The following RHOD variants were observed in gnomAD, a reference collection of about 807,000 sequenced individuals.
RHOD encodes the protein ras homolog family member D.
Under a neutral mutation model 16.7 loss-of-function variants are expected in RHOD, and 11 were observed. That is an observed-to-expected ratio of 0.66 (90% CI 0.41 to 1.09). The LOEUF is 1.09. Among genes scored for constraint, RHOD ranks in the 50% least tolerant of loss-of-function variants. The pLI is 0.00. For synonymous variants in RHOD, 124 were observed against 126.3 expected (o/e 0.98, Z 0.12); for missense variants, 271 against 291.7 (o/e 0.93, Z 0.52).
intron 3 of RHOD, among the ~76,000 whole-genome samples, chr11:67,068,723 C>T (rs1854989048): frequency 6.6e-6 from 1 of 151,986 alleles, no homozygotes. Context: ...AGGAGAATTG[C>T]TTGAACCCGG....
At position 67,065,921 on chromosome 11, in the gene RHOD, G is replaced by A. The variant is rs376463937; in HGVS notation, c.158G>A (p.Arg53Gln). The A allele has an allele frequency of 2.2e-4, 351 of 1,612,198 alleles. 1 individual carries two copies. The highest frequency in any genetic ancestry group is 2.8e-4 in the Non-Finnish European group (333 of 1,178,962). ...AGCTACACCCCCACGGTGTTTGAGC[G>A]GTACATGGTCAACCTGCAAGTGAAA... ...PESYTPTVFE[R>Q]YMVNLQVKGK... Residue 53 changes from arginine (R) to glutamine (Q), a missense_variant, in exon 2 of 5, where the codon CGG becomes CAG. By Grantham distance (43) the Arg-to-Gln change is conservative (BLOSUM62 1). Coordinates refer to ENST00000308831, the MANE Select transcript of RHOD (RefSeq NM_014578.4).
At chr11:67,065,872 C>T (rs1367857551) in intron 1 of RHOD, 24 bp from the exon 2 acceptor site, 4 of 1,582,316 alleles carry the variant, frequency 2.5e-6, no homozygotes, top group Non-Finnish European at 3.5e-6. Flanking sequence ...TCCTCACACC[C>T]TCCCCCGCCC....
At position 67,065,960 on chromosome 11, in the gene RHOD, A is replaced by T; in HGVS notation, c.197A>T (p.His66Leu). ...VNLQVKGKPVHLHIWDTAGQD... is the reference protein window; with the variant it reads ...VNLQVKGKPVLLHIWDTAGQD... ...CTGCAAGTGAAAGGCAAACCTGTGC[A>T]CCTCCACATCTGGGACACAGCAGGT... The change falls in exon 2 of 5, where the codon CAC becomes CTC. Residue 66 changes from histidine (H) to leucine (L), a missense_variant. His to Leu is a moderately conservative substitution (Grantham distance 99). Coordinates refer to ENST00000308831, the MANE Select transcript of RHOD (RefSeq NM_014578.4). 1.4e-6 allele frequency: 2 copies of T among 1,441,430 alleles called. No individual in the cohort carries two copies. The highest frequency in any genetic ancestry group is 1.9e-6 in the Non-Finnish European group (2 of 1,070,288). The allele number at this position is 1,441,430 out of a possible 1,614,324, so 89.3% of individuals were successfully genotyped here.
chr11:67,060,013 G>C (rs576324954), intron 1 of RHOD, among the ~76,000 whole-genome samples: 1 of 152,254 alleles, frequency 6.6e-6, no homozygotes. Flanking sequence ...CCTAGGACAG[G>C]GGGAAGCCCC....
intron 3 of RHOD, among the ~76,000 whole-genome samples, chr11:67,067,081 C>T (rs1221876063): frequency 6.6e-6 from 1 of 152,230 alleles, no homozygotes; most frequent in Non-Finnish European, 1.5e-5. Context: ...CAGTACAGTG[C>T]TCCTTGCCTA....
At chr11:67,068,805 A>G (rs1402360716) in intron 3 of RHOD, among the ~76,000 whole-genome samples, 1 of 151,756 alleles carries the variant, frequency 6.6e-6, no homozygotes, top group Non-Finnish European at 1.5e-5. Context: ...GGACTGTCTC[A>G]AAAAAGAGAG....
chr11:67,066,715 G>A (rs753612810), intron 2 of RHOD, 23 bp from the exon 3 acceptor site: 1 of 1,492,258 alleles, frequency 6.7e-7, no homozygotes, highest in Non-Finnish European at 9.4e-7. Flanking sequence ...CCTGAAGGCA[G>A]TGACCACCTC....
chr11:67,065,526 A>G (rs1306313213), intron 1 of RHOD, among the ~76,000 whole-genome samples: 1 of 151,908 alleles, frequency 6.6e-6, no homozygotes, highest in African/African-American at 2.4e-5. Flanking sequence ...CAGGCCCACC[A>G]TTCCCAGCTA....
intron 1 of RHOD, among the ~76,000 whole-genome samples, chr11:67,057,901 A>AGACTCCACGGGCACCAGGCG (rs1211584168): frequency 3.3e-5 from 5 of 152,272 alleles, no homozygotes; most frequent in Non-Finnish European, 7.3e-5. Context: ...CTGCCCAGGC[A>AGACTCCACGGGCACCAGGCG]GACTCCACGG....
chr11:67,069,325 G>T (rs896077204), intron 3 of RHOD, among the ~76,000 whole-genome samples: 1 of 152,072 alleles, frequency 6.6e-6, no homozygotes, highest in Non-Finnish European at 1.5e-5. Flanking sequence ...AGTTGAGGCA[G>T]ACAGCTGCTG....
rs763553071 is a variant in RHOD, at chr11:67,071,625, C to T, written c.*23C>T. The T allele has an allele frequency of 1.3e-6, 2 of 1,569,744 alleles. No homozygotes were observed. The highest frequency in any genetic ancestry group is 1.8e-4 in the Middle Eastern group (1 of 5,688). ...TGAGCGGCTCGGGGCGTCCCAGCGACGCGGGAAGGGGCAGGGCGCTGACCT... is the reference window on the plus strand; with the variant it reads ...TGAGCGGCTCGGGGCGTCCCAGCGATGCGGGAAGGGGCAGGGCGCTGACCT... On this transcript the variant is annotated 3_prime_UTR_variant, in exon 5 of 5. Coordinates refer to ENST00000308831, the MANE Select transcript of RHOD (RefSeq NM_014578.4).
chr11:67,059,361 G>A (rs912889796), intron 1 of RHOD, among the ~76,000 whole-genome samples: 2 of 152,024 alleles, frequency 1.3e-5, no homozygotes, highest in Non-Finnish European at 2.9e-5. Flanking sequence ...CCAACATGGT[G>A]AAACCCCATG....
chr11:67,065,989 T>C lies in RHOD; in HGVS notation c.220+6T>C. 1 of 1,193,570 alleles carries C rather than the reference T, an allele frequency of 8.4e-7. No homozygotes were observed. The highest frequency in any genetic ancestry group is 1.2e-6 in the Non-Finnish European group (1 of 833,062). The allele number at this position is 1,193,570 out of a possible 1,614,324, so 73.9% of individuals were successfully genotyped here. A position where few individuals can be genotyped will look rare whatever the true frequency, so the allele number is the denominator to read the frequency against. On this transcript the variant is annotated splice_donor_region_variant and intron_variant, in intron 2 of 4. Transcript: ENST00000308831. ...CCACATCTGGGACACAGCAGGTGGG[T>C]GTGCAGGGGTGGGGCAGGGTGGGAG...
At chr11:67,067,897 T>C (rs537474083) in intron 3 of RHOD, among the ~76,000 whole-genome samples, 2 of 152,296 alleles carry the variant, frequency 1.3e-5, no homozygotes, top group East Asian at 3.9e-4. Context: ...CCTCCCAGGT[T>C]GATACCATTC....
At chr11:67,059,319 C>T (rs1349812687) in intron 1 of RHOD, among the ~76,000 whole-genome samples, 1 of 152,134 alleles carries the variant, frequency 6.6e-6, no homozygotes. Flanking sequence ...GTGGGTGGAT[C>T]ACCTGAGGTC....
intron 1 of RHOD, among the ~76,000 whole-genome samples, chr11:67,065,099 G>A (rs1233943011): frequency 6.0e-5 from 9 of 149,272 alleles, no homozygotes; most frequent in South Asian, 2.1e-4. Flanking sequence ...TTTTTGAGAC[G>A]GAGTCTCACT....
chr11:67,066,708 G>A, intron 2 of RHOD, 30 bp from the exon 3 acceptor site: 3 of 1,400,348 alleles, frequency 2.1e-6, no homozygotes, highest in East Asian at 4.6e-5. Flanking sequence ...CAGGAGCCCT[G>A]AAGGCAGTGA....
At chr11:67,064,105 C>CAA (rs1280364068) in intron 1 of RHOD, among the ~76,000 whole-genome samples, 12 of 45,568 alleles carry the variant, frequency 2.6e-4, no homozygotes, top group Admixed American at 5.4e-4. Context: ...GACTCCGTCT[C>CAA]AAAAAAAAAA....
chr11:67,069,683 C>A (rs1472165140), intron 3 of RHOD, among the ~76,000 whole-genome samples: 2 of 144,596 alleles, frequency 1.4e-5, no homozygotes, highest in Non-Finnish European at 1.5e-5. Flanking sequence ...TTATTTTTAT[C>A]TTTTTAATTG....
Sources: gnomAD v4.1 joint callset for allele counts (sites outside exome capture counted in the v4.1 genomes callset) on GRCh38, gnomAD v4.1.1 for gene constraint, MANE v1.5 for transcripts, NCBI Gene and HGNC (gene_info 2026-07-23, HGNC 2026-07-21) for gene names.